JMJD8: variants seen among roughly 807,000 people sequenced by gnomAD.
JMJD8 encodes the protein jumonji domain containing 8.
JMJD8 carries 56 observed loss-of-function variants against 37.6 expected under a neutral mutation model. The observed-to-expected ratio is 1.49, with a 90% CI of 1.20 to 1.86. JMJD8 has a LOEUF of 1.86. Among genes scored for constraint, JMJD8 ranks in the 40% most tolerant of loss-of-function variants. The pLI is 0.00. For missense variants in JMJD8, 542 were observed against 362.7 expected (o/e 1.49, Z -4.01); for synonymous variants, 261 against 163.7 (o/e 1.59, Z -4.54).
In JMJD8 at chr16:684,322, G is replaced by C. The variant is rs2039845140; in HGVS notation, c.-3C>G. 6.7e-7 allele frequency: 1 copy of C among 1,499,230 alleles called. No individual in the cohort carries two copies. Among genetic ancestry groups the C allele is most frequent in the African/African-American group, 1.5e-5 (1 of 68,818 alleles). 92.9% of individuals were successfully genotyped at this position (1,499,230 alleles called of 1,614,324 possible). ...AGCAACCGCGACGCCGGCGCCATGA[G>C]CCTGCCGCCCTCAGGCAGCCGCGCT... is the stretch of plus-strand genomic sequence containing the variant. On this transcript the variant is annotated 5_prime_UTR_variant, in exon 1 of 9. Coordinates refer to ENST00000609261, the MANE Select transcript of JMJD8 (RefSeq NM_001005920.4).
rs773829315 is a variant in JMJD8 at position 683,703 on chromosome 16, T to C, written c.304A>G (p.Thr102Ala). ...CGCGTACCTTTGTGGTAGGAGTAGGTGTTGGCGGTGCTCAGCCGGACCACT... is the reference window on the plus strand; with the variant it reads ...CGCGTACCTTTGTGGTAGGAGTAGGCGTTGGCGGTGCTCAGCCGGACCACT... ...DRVVRLSTAN[T>A]YSYHKVDLPF... The change falls in exon 4 of 9, where the codon ACC becomes GCC. Residue 102 changes from threonine (T) to alanine (A), a missense_variant. Coordinates refer to ENST00000609261, the MANE Select transcript of JMJD8 (RefSeq NM_001005920.4). 2.1e-5 allele frequency: 34 copies of C among 1,604,816 alleles called. No homozygotes were observed. The highest frequency in any genetic ancestry group is 2.9e-5 in the Non-Finnish European group (34 of 1,176,508).
Position 682,641 on chromosome 16 carries a change from T to G in JMJD8, c.*153A>C, listed in dbSNP as rs1596554084. 7.0e-7 allele frequency: 1 copy of G among 1,423,686 alleles called. No individual in the cohort carries two copies. Among genetic ancestry groups the G allele is most frequent in the South Asian group, 1.3e-5 (1 of 75,886 alleles). 88.2% of individuals were successfully genotyped at this position (1,423,686 alleles called of 1,614,324 possible). A position where few individuals can be genotyped will look rare whatever the true frequency, so the allele number is the denominator to read the frequency against. ...CTGTTTCCCCTCTCAGCATCGCTTT[T>G]GCTGGGCCGTGATCGTCCCCCTTTG... On this transcript the variant is annotated 3_prime_UTR_variant, in exon 9 of 9. Transcript: ENST00000609261.
rs759611044 is a variant in JMJD8, at chr16:684,149, C to T, written c.93G>A (p.Pro31=). 1.4e-6 allele frequency: 2 copies of T among 1,471,414 alleles called. No homozygotes were observed. Among genetic ancestry groups the T allele is most frequent in the South Asian group, 1.3e-5 (1 of 76,940 alleles). The allele number at this position is 1,471,414 out of a possible 1,614,324, so 91.1% of individuals were successfully genotyped here. A position where few individuals can be genotyped will look rare whatever the true frequency, so the allele number is the denominator to read the frequency against. The change falls in exon 2 of 9, where the codon CCG becomes CCA. Residue 31 remains proline, a synonymous_variant. Transcript: ENST00000609261. The stretch of plus-strand genomic sequence containing the variant: ...CCTCCGCCACGGCCCCCGGCCCGCC[C>T]GGGCGCCTGCGGGCACAGCTGGGTC... ...SGAEGDGGWR[P]GGPGAVAEEE...
Position 681,823 on chromosome 16 carries a change from G to C in JMJD8, c.*971C>G, listed in dbSNP as rs771194855. The C allele has an allele frequency of 2.5e-6, 4 of 1,608,516 alleles. No homozygotes were observed. The highest frequency in any genetic ancestry group is 3.3e-5 in the Admixed American group (2 of 59,824). Reference sequence around the variant, plus strand: ...TGGAAGAGTGCCAGCGAAACCACGAGGGTGATGAGGACGACAGCCACGTCC... The same window carrying C: ...TGGAAGAGTGCCAGCGAAACCACGACGGTGATGAGGACGACAGCCACGTCC... On this transcript the variant is annotated 3_prime_UTR_variant, in exon 9 of 9. Transcript: ENST00000609261.
rs1480738733 is a variant in JMJD8, at chr16:683,954, C to T, written c.177-45G>A. Reference sequence around the variant, plus strand: ...CGCGGCCAGGCCGGACCGCCAGCCTCGCCGCCCCAGCCCCACGCGTGCGCG... The same window carrying T: ...CGCGGCCAGGCCGGACCGCCAGCCTTGCCGCCCCAGCCCCACGCGTGCGCG... On this transcript the variant is annotated intron_variant, in intron 2 of 8. Transcript: ENST00000609261. 4 of 1,559,006 alleles carry T rather than the reference C, an allele frequency of 2.6e-6. No homozygotes were observed. The South Asian group carries it at 4.7e-5, about 18-fold the overall frequency.
In JMJD8 at chr16:683,852, C is replaced by G. The variant is rs758749252; in HGVS notation, c.225+9G>C. ...GAGAGTGGCCGGGGACGGACGGGCA[C>G]GCGCTCACCGAGTTGTCCGTGAGTC... On this transcript the variant is annotated intron_variant, in intron 3 of 8. Transcript: ENST00000609261. The G allele has an allele frequency of 1.3e-6, 2 of 1,583,766 alleles. No individual in the cohort carries two copies. The highest frequency in any genetic ancestry group is 8.6e-7 in the Non-Finnish European group (1 of 1,167,458).
Position 682,956 on chromosome 16 carries a change from AC to A in JMJD8, c.710del (p.Gly237ValfsTer84). On this transcript the variant is annotated frameshift_variant, in exon 8 of 9. Transcript: ENST00000609261. LOFTEE classifies it high-confidence loss of function. Reference sequence around the variant, plus strand: ...CCCTCTCCTGCCAGCCACTGACCTCACCAGCCCGGATGGTACACTCCAGGGG... The same window carrying A: ...CCCTCTCCTGCCAGCCACTGACCTCACAGCCCGGATGGTACACTCCAGGGG... ...ARPLECTIRA[G>X]EVLYFPDRWW... 1 of 1,612,474 alleles carries A rather than the reference AC, an allele frequency of 6.2e-7. No homozygotes were observed. Among genetic ancestry groups the A allele is most frequent in the Non-Finnish European group, 8.5e-7 (1 of 1,179,438 alleles).
Position 682,095 on chromosome 16 carries a change from C to A in JMJD8, c.*699G>T. 1 of 1,581,046 alleles carries A rather than the reference C, an allele frequency of 6.3e-7. No individual in the cohort carries two copies. Among genetic ancestry groups the A allele is most frequent in the South Asian group, 1.1e-5 (1 of 87,568 alleles). On this transcript the variant is annotated 3_prime_UTR_variant, in exon 9 of 9. Transcript: ENST00000609261. ...GAGGAAGGTGAGTGTGTGTCGCTTG[C>A]TGCCGATGGCTGGCAGGTGCTCGTG... is the stretch of plus-strand genomic sequence containing the variant.
rs1046112 is a variant in JMJD8 at position 681,771 on chromosome 16, C to T, written c.*1023G>A. The stretch of plus-strand genomic sequence containing the variant: ...GACATCTGGCCAGGTCCATCTCTGA[C>T]CGGCTCCTGGTCAACCCCCAGGGAG... On this transcript the variant is annotated 3_prime_UTR_variant, in exon 9 of 9. Coordinates refer to ENST00000609261, the MANE Select transcript of JMJD8 (RefSeq NM_001005920.4). 0.034 allele frequency: 53,013 copies of T among 1,579,478 alleles called. 1,187 individuals are homozygous for T. The highest frequency in any genetic ancestry group is 0.1 in the African/African-American group (7,653 of 74,532).
rs754446573 is a variant in JMJD8 at position 682,181 on chromosome 16, ACTAC to A, written c.*609_*612del. The A allele has an allele frequency of 2.5e-6, 4 of 1,608,716 alleles. No homozygotes were observed. The highest frequency in any genetic ancestry group is 1.7e-5 in the Admixed American group (1 of 59,956). ...GTGCCACAGAAGCGAGACATCCCCG[ACTAC>A]CTGTGTGGCAAGATCAGCTTTGAGC... On this transcript the variant is annotated 3_prime_UTR_variant, in exon 9 of 9. Transcript: ENST00000609261.
Position 683,548 on chromosome 16 carries a change from G to T in JMJD8, c.373C>A (p.Pro125Thr), listed in dbSNP as rs748754064. Residue 125 changes from proline (P) to threonine (T), a missense_variant, in exon 5 of 9, where the codon CCC (proline) becomes ACC (threonine). By Grantham distance (38) the Pro-to-Thr change is conservative. Coordinates refer to ENST00000609261, the MANE Select transcript of JMJD8 (RefSeq NM_001005920.4). ...GCCTCACCATTGCCCAGGGAGGTGG[G>T]GTCCTGGGGGTGCAGCAGCTGCTCC... ...YVEQLLHPQD[P>T]TSLGNDTLYF... 7.0e-6 allele frequency: 11 copies of T among 1,565,788 alleles called. 1 individual carries two copies. Among genetic ancestry groups the T allele is most frequent in the East Asian group, 4.7e-5 (2 of 42,360 alleles).
At position 683,442 on chromosome 16, in the gene JMJD8, C is replaced by T; in HGVS notation, c.392-1G>A. 5 of 1,551,632 alleles carry T rather than the reference C, an allele frequency of 3.2e-6. No individual in the cohort carries two copies. The highest frequency in any genetic ancestry group is 4.4e-6 in the Non-Finnish European group (5 of 1,147,368). On this transcript the variant is annotated splice_acceptor_variant, in intron 5 of 8. Transcript: ENST00000609261. LOFTEE classifies it high-confidence loss of function. ...TTGTCCCCGAAGAAGTACAGGGTGTCTGCCAACAGAGACGGCGGGGACAGG... is the reference window on the plus strand; with the variant it reads ...TTGTCCCCGAAGAAGTACAGGGTGTTTGCCAACAGAGACGGCGGGGACAGG...
Position 684,170 on chromosome 16 carries a change from G to A in JMJD8, c.87-15C>T. The A allele has an allele frequency of 1.5e-6, 2 of 1,362,550 alleles. No homozygotes were observed. Among genetic ancestry groups the A allele is most frequent in the South Asian group, 3.5e-5 (2 of 57,942 alleles). 84.4% of individuals were successfully genotyped at this position (1,362,550 alleles called of 1,614,324 possible). Reference sequence around the variant, plus strand: ...CGCCCGGGCGCCTGCGGGCACAGCTGGGTCAGCCCGCGCCCCGCCCGCCGC... The same window carrying A: ...CGCCCGGGCGCCTGCGGGCACAGCTAGGTCAGCCCGCGCCCCGCCCGCCGC... On this transcript the variant is annotated splice_polypyrimidine_tract_variant and intron_variant, in intron 1 of 8. Transcript: ENST00000609261.
chr16:684,079 C>T lies in JMJD8; in HGVS notation c.163G>A (p.Glu55Lys). 4.4e-6 allele frequency: 7 copies of T among 1,579,630 alleles called. No homozygotes were observed. The highest frequency in any genetic ancestry group is 6.0e-6 in the Non-Finnish European group (7 of 1,171,318). The change falls in exon 2 of 9, where the codon GAG becomes AAG. Residue 55 changes from glutamate to lysine, a missense_variant. Glu to Lys is a moderately conservative substitution (Grantham distance 56). Coordinates refer to ENST00000609261, the MANE Select transcript of JMJD8 (RefSeq NM_001005920.4). ...VERRADLTYA[E>K]FVQQYAFVRP... is the part of the protein sequence containing the mutation. ...GGGCGCACGTACTGCTGCACGAACTCCGCGTAGGTGAGGTCGGCCCGACGC... is the reference window on the plus strand; with the variant it reads ...GGGCGCACGTACTGCTGCACGAACTTCGCGTAGGTGAGGTCGGCCCGACGC...
chr16:684,127 C>T lies in JMJD8; in HGVS notation c.115G>A (p.Glu39Lys). The change falls in exon 2 of 9, where the codon GAG becomes AAG. Residue 39 changes from glutamate (E) to lysine (K), a missense_variant. Coordinates refer to ENST00000609261, the MANE Select transcript of JMJD8 (RefSeq NM_001005920.4). ...WRPGGPGAVA[E>K]EERCTVERRA... ...CGCTCCACCGTGCAGCGCTCCTCCT[C>T]CGCCACGGCCCCCGGCCCGCCCGGG... 6.5e-7 allele frequency: 1 copy of T among 1,526,730 alleles called. No individual in the cohort carries two copies. Among genetic ancestry groups the T allele is most frequent in the Non-Finnish European group, 8.7e-7 (1 of 1,146,502 alleles). 94.6% of individuals were successfully genotyped at this position (1,526,730 alleles called of 1,614,324 possible).
In JMJD8 at chr16:682,829, C is replaced by T; in HGVS notation, c.760G>A (p.Asp254Asn). ...DRWWHATLNL[D>N]TSVFISTFLG is the part of the protein sequence containing the mutation. ...AAGGTGGAGATGAAGACGCTGGTGTCAAGGTTGAGCGTAGCATGCCACCAG... is the reference window on the plus strand; with the variant it reads ...AAGGTGGAGATGAAGACGCTGGTGTTAAGGTTGAGCGTAGCATGCCACCAG... Residue 254 changes from aspartate to asparagine, a missense_variant, in exon 9 of 9, where the codon GAC becomes AAC. By Grantham distance (23) the Asp-to-Asn change is conservative. Coordinates refer to ENST00000609261, the MANE Select transcript of JMJD8 (RefSeq NM_001005920.4). 6.2e-7 allele frequency: 1 copy of T among 1,612,992 alleles called. No homozygotes were observed. Among genetic ancestry groups the T allele is most frequent in the Non-Finnish European group, 8.5e-7 (1 of 1,179,876 alleles).
At position 682,336 on chromosome 16, in the gene JMJD8, C is replaced by T; in HGVS notation, c.*458G>A. The T allele has an allele frequency of 6.2e-7, 1 of 1,613,004 alleles. No individual in the cohort carries two copies. The highest frequency in any genetic ancestry group is 8.5e-7 in the Non-Finnish European group (1 of 1,179,934). ...AGTGGCATGGTCCTGGGCCCCATGA[C>T]TGCCCTCTGCCCTTCTTGTCACTGC... On this transcript the variant is annotated 3_prime_UTR_variant, in exon 9 of 9. Transcript: ENST00000609261.
At chr16:684,036 C>A in intron 2 of JMJD8, 30 bp downstream of exon 2, 1 of 1,573,804 alleles carries the variant, frequency 6.4e-7, no homozygotes, top group Non-Finnish European at 8.6e-7. Context: ...GTGAACAGGA[C>A]GCGACCTCCG....
chr16:683,638 G>A (rs774452035), intron 4 of JMJD8, 40 bp from the exon 5 acceptor site: 18 of 1,577,488 alleles, frequency 1.1e-5, no homozygotes, highest in Non-Finnish European at 1.5e-5. Context: ...TGGTCCAGCC[G>A]CCCCGGTGTT....
Sources: gnomAD v4.1 joint callset for allele counts on GRCh38, gnomAD v4.1.1 for gene constraint, MANE v1.5 for transcripts, NCBI Gene and HGNC (gene_info 2026-07-23, HGNC 2026-07-21) for gene names.